LRRK1: variants seen among roughly 807,000 people sequenced by gnomAD.
The protein encoded by LRRK1 is leucine rich repeat kinase 1.
LRRK1 carries 113 observed loss-of-function variants against 209.1 expected under a neutral mutation model. That is an observed-to-expected ratio of 0.54 (90% CI 0.46 to 0.63). The LOEUF (loss-of-function observed/expected upper bound fraction) is 0.63. Ranked by LOEUF, LRRK1 falls within the 30% of genes least tolerant of loss-of-function variation. LRRK1 has a pLI of 0.00. For missense variants in LRRK1, 2,284 were observed against 2,632.2 expected (o/e 0.87, Z 2.89); for synonymous variants, 1,144 against 1,099.7 (o/e 1.04, Z -0.80).
rs2036833172 is a variant in LRRK1 at position 101,072,210 on chromosome 15, G to A, written c.*3362G>A. 6.6e-6 allele frequency: 1 copy of A among 152,230 alleles called. No individual in the cohort carries two copies. Among genetic ancestry groups the A allele is most frequent in the African/African-American group, 2.4e-5 (1 of 41,454 alleles). The allele number at this position is 152,230 out of a possible 1,614,324, so 9.4% of individuals were successfully genotyped here. ...AAAATTTCAAATGCACATACCCTCT[G>A]ACCCAGCAGTTCCACTTAAGTATTT... On this transcript the variant is annotated 3_prime_UTR_variant, in exon 34 of 34. Transcript: ENST00000388948.
intron 4 of LRRK1, among the ~76,000 whole-genome samples, chr15:100,986,303 T>A (rs1383195259): frequency 6.6e-6 from 1 of 152,164 alleles, no homozygotes; most frequent in African/African-American, 2.4e-5. Context: ...AGCACGTTGT[T>A]ATGTGATTCC....
In LRRK1 at chr15:101,074,816, GC is replaced by G. The variant is rs1359648092; in HGVS notation, c.*5970del. 1 of 152,042 alleles carries G rather than the reference GC, an allele frequency of 6.6e-6. No individual in the cohort carries two copies. Among genetic ancestry groups the G allele is most frequent in the African/African-American group, 2.4e-5 (1 of 41,394 alleles). 9.4% of individuals were successfully genotyped at this position (152,042 alleles called of 1,614,324 possible). On this transcript the variant is annotated 3_prime_UTR_variant, in exon 34 of 34. Coordinates refer to ENST00000388948, the MANE Select transcript of LRRK1 (RefSeq NM_024652.6). ...CCTCCCCCAGGAGCTTGCTACAAGT[GC>G]CAGAAATCTGGCCACCAGGCCAAGG...
chr15:101,006,961 T>G (rs529885113), intron 6 of LRRK1, among the ~76,000 whole-genome samples: 13 of 152,376 alleles, frequency 8.5e-5, no homozygotes, highest in African/African-American at 2.6e-4. Flanking sequence ...TCTACCCTCC[T>G]GGCCTAAGAT....
intron 2 of LRRK1, among the ~76,000 whole-genome samples, chr15:100,972,938 C>CACACACACACA (rs1555462750): frequency 1.6e-4 from 9 of 57,140 alleles, no homozygotes; most frequent in African/African-American, 5.3e-4. Flanking sequence ...ACACACACAC[C>CACACACACACA]CAGTTTTGTG....
In LRRK1 at chr15:101,021,062, T is replaced by A; in HGVS notation, c.1619T>A (p.Leu540Gln). ...QRSGTEAASV[L>Q]EFPAFLSESL... The stretch of plus-strand genomic sequence containing the variant: ...TGCCATGTCTTTGCAGCAAGTGTGC[T>A]GGAATTTCCGGCCTTCCTAAGTGAG... The change falls in exon 13 of 34, where the codon CTG becomes CAG. Residue 540 changes from leucine to glutamine, a missense_variant. Leu to Gln is a moderately radical substitution (Grantham distance 113). Around this residue, in one of 6 missense-constraint regions of LRRK1, gnomAD observed 494 missense variants for 522.1 expected, o/e 0.95. Coordinates refer to ENST00000388948, the MANE Select transcript of LRRK1 (RefSeq NM_024652.6). The A allele has an allele frequency of 6.2e-7, 1 of 1,614,208 alleles. No homozygotes were observed.
intron 6 of LRRK1, among the ~76,000 whole-genome samples, chr15:101,004,527 C>G (rs2032852043): frequency 6.6e-6 from 1 of 152,286 alleles, no homozygotes; most frequent in South Asian, 2.1e-4. Context: ...CCAGGCAGGG[C>G]TCTGCACTGT....
At chr15:101,055,678 G>A (rs1394608591) in intron 27 of LRRK1, among the ~76,000 whole-genome samples, 1 of 152,130 alleles carries the variant, frequency 6.6e-6, no homozygotes, top group Non-Finnish European at 1.5e-5. Context: ...GCCAAACCAG[G>A]AGAAGAGTGA....
intron 27 of LRRK1, 38 bp from the exon 28 acceptor site, chr15:101,056,818 C>T: frequency 1.3e-6 from 2 of 1,523,586 alleles, no homozygotes; most frequent in East Asian, 2.4e-5. Flanking sequence ...GGCCACTGGG[C>T]CCAGGCAGCG....
intron 33 of LRRK1, chr15:101,067,447 G>C (rs2036598199): frequency 2.9e-6 from 1 of 342,970 alleles, no homozygotes; most frequent in Admixed American, 3.0e-5. Flanking sequence ...GTGTGTGTGT[G>C]TGTGTGTGTG....
intron 12 of LRRK1, 97 bp from the exon 13 acceptor site, chr15:101,020,955 CT>C: frequency 1.4e-6 from 2 of 1,392,236 alleles, no homozygotes; most frequent in Non-Finnish European, 2.0e-6. Context: ...CCAAAATGCC[CT>C]CTGGAGGTTG....
intron 1 of LRRK1, among the ~76,000 whole-genome samples, chr15:100,920,868 C>T (rs1402223901): frequency 6.6e-6 from 1 of 152,182 alleles, no homozygotes; most frequent in Non-Finnish European, 1.5e-5. Context: ...TCTCCTCACA[C>T]CCCCAGCTGA....
chr15:101,020,114 G>C (rs979341339), intron 12 of LRRK1, among the ~76,000 whole-genome samples: 6 of 152,078 alleles, frequency 3.9e-5, no homozygotes, highest in African/African-American at 1.4e-4. Flanking sequence ...TTAAAACACC[G>C]TTTTTGAACA....
At chr15:101,051,418 GA>G (rs1476036865) in intron 23 of LRRK1, among the ~76,000 whole-genome samples, 2 of 152,270 alleles carry the variant, frequency 1.3e-5, no homozygotes, top group East Asian at 3.9e-4. Flanking sequence ...ATGCAGGAGG[GA>G]TCCCCCCACT....
rs1293260909 is a variant in LRRK1, at chr15:101,077,306, C to A, written c.*8458C>A. 6.6e-6 allele frequency: 1 copy of A among 152,248 alleles called. No individual in the cohort carries two copies. Among genetic ancestry groups the A allele is most frequent in the Non-Finnish European group, 1.5e-5 (1 of 68,054 alleles). The allele number at this position is 152,248 out of a possible 1,614,324, so 9.4% of individuals were successfully genotyped here. On this transcript the variant is annotated 3_prime_UTR_variant, in exon 34 of 34. Transcript: ENST00000388948. The stretch of plus-strand genomic sequence containing the variant: ...TACTATCTTCTGTCTAGTCGTACTC[C>A]TATTCACCATTCTCAACTACTCATA...
At position 101,012,233 on chromosome 15, in the gene LRRK1, G is replaced by A. The variant is rs566022843; in HGVS notation, c.1419+88G>A. 5.9e-5 allele frequency: 69 copies of A among 1,162,234 alleles called. No homozygotes were observed. In the South Asian group the frequency reaches 9.4e-4, roughly 16 times the overall value. The allele number at this position is 1,162,234 out of a possible 1,614,324, so 72.0% of individuals were successfully genotyped here. On this transcript the variant is annotated intron_variant, in intron 10 of 33. Coordinates refer to ENST00000388948, the MANE Select transcript of LRRK1 (RefSeq NM_024652.6). The stretch of plus-strand genomic sequence containing the variant: ...AGTGAAATGTATGTGCTTTTCCTGA[G>A]CTTCTGAGATAAATATAAGGGGAAA...
At chr15:100,921,498 T>C (rs1472072067) in intron 1 of LRRK1, among the ~76,000 whole-genome samples, 1 of 152,234 alleles carries the variant, frequency 6.6e-6, no homozygotes, top group Non-Finnish European at 1.5e-5. Context: ...AACTAGGTGA[T>C]ATGAATGAGC....
At chr15:101,067,136 G>A in intron 33 of LRRK1, 1 of 404,184 alleles carries the variant, frequency 2.5e-6, no homozygotes, top group Non-Finnish European at 5.0e-6. Flanking sequence ...TATGGGGACA[G>A]ATGACACAGG....
chr15:100,948,110 C>A (rs2042577537), intron 2 of LRRK1, among the ~76,000 whole-genome samples: 1 of 152,242 alleles, frequency 6.6e-6, no homozygotes, highest in Non-Finnish European at 1.5e-5. Flanking sequence ...TGTCATCAAT[C>A]TTAAACCTCG....
chr15:100,990,121 G>A lies in LRRK1; in HGVS notation c.762+723G>A, dbSNP rs147916105. 8.6e-3 allele frequency among the ~76,000 whole-genome samples: 1,310 copies of A among 152,076 alleles called. 14 individuals carry two copies. The highest frequency in any genetic ancestry group is 0.014 in the Non-Finnish European group (923 of 67,988). On this transcript the variant is annotated intron_variant, in intron 6 of 33. Transcript: ENST00000388948. ...AAAAACATTTACAAAACTATACAGG[G>A]TTTAGTTTTAATTTCCCATTTTAAT...
Sources: gnomAD v4.1 joint callset for allele counts (sites outside exome capture counted in the v4.1 genomes callset) on GRCh38, gnomAD v4.1.1 for gene constraint, gnomAD v4.1.1 regional missense constraint, MANE v1.5 for transcripts, NCBI Gene and HGNC (gene_info 2026-07-23, HGNC 2026-07-21) for gene names.